IL20RA: variants seen among roughly 807,000 people sequenced by gnomAD.
IL20RA encodes the protein interleukin 20 receptor subunit alpha.
IL20RA carries 29 observed loss-of-function variants against 36.5 expected under a neutral mutation model. That is an observed-to-expected ratio of 0.79 (90% CI 0.59 to 1.08). IL20RA has a LOEUF of 1.08. IL20RA is among the 50% of genes least tolerant of loss of function. IL20RA has a pLI of 0.00. For missense variants in IL20RA, 652 were observed against 668.4 expected, an observed-to-expected ratio of 0.98 and a Z score of 0.27; for synonymous variants, 279 against 267.1, an observed-to-expected ratio of 1.04 and a Z score of -0.43.
intron 1 of IL20RA, among the ~76,000 whole-genome samples, chr6:137,025,753 C>T (rs1472458245): frequency 6.6e-6 from 1 of 152,168 alleles, no homozygotes; most frequent in Admixed American, 6.5e-5. Flanking sequence ...TTCCTAATGG[C>T]CTCAAAGTGA....
chr6:137,034,774 A>G (rs1776422380), intron 1 of IL20RA, among the ~76,000 whole-genome samples: 1 of 151,824 alleles, frequency 6.6e-6, no homozygotes, highest in Non-Finnish European at 1.5e-5. Flanking sequence ...CCCTGTCTCT[A>G]CTAAAAATAT....
intron 1 of IL20RA, among the ~76,000 whole-genome samples, chr6:137,022,041 C>A (rs1299529961): frequency 1.3e-5 from 2 of 152,122 alleles, no homozygotes; most frequent in African/African-American, 2.4e-5. Context: ...AACCTCCTCA[C>A]TCACATGCCA....
In IL20RA at chr6:137,002,099, T is replaced by A; in HGVS notation, c.1121A>T (p.Glu374Val). 1 of 1,614,188 alleles carries A rather than the reference T, an allele frequency of 6.2e-7. No individual in the cohort carries two copies. Among genetic ancestry groups the A allele is most frequent in the Non-Finnish European group, 8.5e-7 (1 of 1,180,030 alleles). ...SHLMEIFCDS[E>V]ENTEGTSLTQ... ...GAGAGAAGTACCTTCCGTGTTTTCT[T>A]CAGAGTCACAAAAAATTTCCATCAA... The change falls in exon 7 of 7, where the codon GAA (glutamate) becomes GTA (valine). Residue 374 changes from glutamate to valine, a missense_variant. By Grantham distance (121) the Glu-to-Val change is moderately radical (BLOSUM62 -2). Transcript: ENST00000316649.
At chr6:137,042,496 T>C (rs1343433260) in intron 1 of IL20RA, among the ~76,000 whole-genome samples, 1 of 152,202 alleles carries the variant, frequency 6.6e-6, no homozygotes, top group Non-Finnish European at 1.5e-5. Flanking sequence ...AGGGCGGAGT[T>C]TGATAAGCCA....
At chr6:137,032,052 CAAAAAAAAAA>C (rs11379045) in intron 1 of IL20RA, among the ~76,000 whole-genome samples, 3 of 61,932 alleles carry the variant, frequency 4.8e-5, no homozygotes, top group African/African-American at 1.9e-4. Context: ...GATTCTGTCT[CAAAAAAAAAA>C]AAAAAAAAAG....
chr6:137,044,347 A>T, intron 1 of IL20RA: 1 of 1,018,398 alleles, frequency 9.8e-7, no homozygotes. Context: ...CGCAGAGCGC[A>T]CCCCCCACCG....
intron 1 of IL20RA, among the ~76,000 whole-genome samples, chr6:137,021,306 G>A (rs1179737856): frequency 6.6e-6 from 1 of 152,008 alleles, no homozygotes; most frequent in Non-Finnish European, 1.5e-5. Flanking sequence ...CACATGGACT[G>A]CTTGTTCCTT....
intron 2 of IL20RA, among the ~76,000 whole-genome samples, chr6:137,015,820 C>A (rs375623637): frequency 3.3e-5 from 5 of 152,074 alleles, no homozygotes; most frequent in East Asian, 3.9e-4. Context: ...TCATGACCGG[C>A]TAATTTTTGT....
Position 137,009,503 on chromosome 6 carries a change from G to T in IL20RA, c.404-11C>A. 6.4e-7 allele frequency: 1 copy of T among 1,562,728 alleles called. No homozygotes were observed. Among genetic ancestry groups the T allele is most frequent in the Non-Finnish European group, 8.8e-7 (1 of 1,133,724 alleles). ...GTGGGCCAATTTGTGCTTAAAGGGG[G>T]AGAAAGAGGGTATTATCATGTTCAG... On this transcript the variant is annotated splice_polypyrimidine_tract_variant and intron_variant, in intron 3 of 6. Transcript: ENST00000316649.
At chr6:137,020,284 T>C (rs1775849626) in intron 1 of IL20RA, among the ~76,000 whole-genome samples, 1 of 152,214 alleles carries the variant, frequency 6.6e-6, no homozygotes. Context: ...CAGCCCCAGC[T>C]TGCCTCTTGA....
chr6:137,044,100 G>T, intron 1 of IL20RA: 1 of 985,518 alleles, frequency 1.0e-6, no homozygotes, highest in Non-Finnish European at 1.2e-6. Flanking sequence ...ACTTTAAGAA[G>T]CTGCGTCTTT....
intron 1 of IL20RA, among the ~76,000 whole-genome samples, chr6:137,029,373 G>C (rs1293928343): frequency 6.6e-6 from 1 of 152,156 alleles, no homozygotes; most frequent in Admixed American, 6.5e-5. Context: ...CAGGCATGGT[G>C]GTATGTGACT....
rs1775005497 is a variant in IL20RA at position 137,000,748 on chromosome 6, TA to T, written c.*809del. 6.6e-6 allele frequency: 1 copy of T among 152,166 alleles called. No individual in the cohort carries two copies. Among genetic ancestry groups the T allele is most frequent in the Non-Finnish European group, 1.5e-5 (1 of 68,034 alleles). The allele number at this position is 152,166 out of a possible 1,614,324, so 9.4% of individuals were successfully genotyped here. A position where few individuals can be genotyped will look rare whatever the true frequency, so the allele number is the denominator to read the frequency against. On this transcript the variant is annotated 3_prime_UTR_variant, in exon 7 of 7. Transcript: ENST00000316649. ...ACCTAGAGCTTTACCTAACACTTTC[TA>T]GTTTACAGACTATGTAAATATCTTT...
Position 137,011,332 on chromosome 6 carries a change from A to G in IL20RA, c.345T>C (p.Ile115=), listed in dbSNP as rs1775488397. The G allele has an allele frequency of 6.2e-7, 1 of 1,613,992 alleles. No homozygotes were observed. Reference sequence around the variant, plus strand: ...CCCATTTGGAACACTTTGTTCCCCAAATGGCCTTAACTTTGGCATAATACT... The same window carrying G: ...CCCATTTGGAACACTTTGTTCCCCAGATGGCCTTAACTTTGGCATAATACT... ...EHQYYAKVKA[I]WGTKCSKWAE... Residue 115 remains isoleucine (I), a synonymous_variant, in exon 3 of 7, where the codon ATT becomes ATC. Coordinates refer to ENST00000316649, the MANE Select transcript of IL20RA (RefSeq NM_014432.4).
chr6:137,010,780 A>G (rs1237441086), intron 3 of IL20RA, among the ~76,000 whole-genome samples: 2 of 152,226 alleles, frequency 1.3e-5, no homozygotes, highest in Non-Finnish European at 2.9e-5. Context: ...GGAGACATTA[A>G]TAGTCCATAA....
chr6:137,031,542 G>T (rs1350234489), intron 1 of IL20RA, among the ~76,000 whole-genome samples: 2 of 152,196 alleles, frequency 1.3e-5, no homozygotes, highest in African/African-American at 4.8e-5. Flanking sequence ...TAGCCTAGGG[G>T]TAAATTGGCT....
Position 137,004,766 on chromosome 6 carries a change from A to T in IL20RA, c.725-6T>A, listed in dbSNP as rs1203625624. ...CTTGAACTCTGATGATTGATCTGTA[A>T]AAAAAAAAAAAAAGGTGGGAATTCG... On this transcript the variant is annotated splice_polypyrimidine_tract_variant and splice_region_variant and intron_variant, in intron 5 of 6. Coordinates refer to ENST00000316649, the MANE Select transcript of IL20RA (RefSeq NM_014432.4). The T allele has an allele frequency of 7.4e-5, 3 of 40,806 alleles. No homozygotes were observed. The highest frequency in any genetic ancestry group is 1.0e-4 in the Non-Finnish European group (2 of 19,488). 2.5% of individuals were successfully genotyped at this position (40,806 alleles called of 1,614,324 possible).
intron 1 of IL20RA, among the ~76,000 whole-genome samples, chr6:137,019,349 C>T (rs1465593289): frequency 2.0e-5 from 3 of 151,866 alleles, no homozygotes; most frequent in African/African-American, 7.3e-5. Flanking sequence ...GGCTGGTCTC[C>T]AACTCCTGAC....
intron 1 of IL20RA, among the ~76,000 whole-genome samples, chr6:137,032,873 G>C (rs914304243): frequency 2.0e-5 from 3 of 152,178 alleles, no homozygotes; most frequent in Non-Finnish European, 4.4e-5. Flanking sequence ...AAAATGAACA[G>C]AGATTCCATA....
Sources: gnomAD v4.1 joint callset for allele counts (sites outside exome capture counted in the v4.1 genomes callset) on GRCh38, gnomAD v4.1.1 for gene constraint, MANE v1.5 for transcripts, NCBI Gene and HGNC (gene_info 2026-07-23, HGNC 2026-07-21) for gene names.